The following GON4L variants were observed in gnomAD, a reference collection of about 807,000 sequenced individuals.
GON4L encodes GON-4-like protein.
In GON4L, 87 loss-of-function variants were observed where a neutral mutation model predicts 211.8. That is an observed-to-expected ratio of 0.41 (90% confidence interval 0.35 to 0.49). GON4L has a LOEUF of 0.49. Among genes scored for constraint, GON4L ranks in the 20% least tolerant of loss-of-function variants. The pLI is 0.15. For synonymous variants in GON4L, 875 were observed against 962.6 expected (o/e 0.91, Z 1.68); for missense variants, 2,155 against 2,659.5 (o/e 0.81, Z 4.17).
intron 2 of GON4L, among the ~76,000 whole-genome samples, chr1:155,841,595 C>G (rs1038706780): frequency 6.6e-6 from 1 of 152,164 alleles, no homozygotes; most frequent in African/African-American, 2.4e-5. Context: ...ATCTGGCCTA[C>G]AATGTTTAAT....
At chr1:155,792,903 T>G (rs1466965853) in intron 12 of GON4L, among the ~76,000 whole-genome samples, 3 of 152,092 alleles carry the variant, frequency 2.0e-5, no homozygotes, top group Admixed American at 2.0e-4. Context: ...ACTACGGGCA[T>G]GCACCACGAC....
At chr1:155,807,091 C>CAAAAAAAAAA (rs5777956) in intron 10 of GON4L, among the ~76,000 whole-genome samples, 2 of 119,480 alleles carry the variant, frequency 1.7e-5, no homozygotes, top group Non-Finnish European at 1.7e-5. Flanking sequence ...AGAGACATCT[C>CAAAAAAAAAA]AAAAAAAAAA....
At chr1:155,777,979 T>C (rs1217110385) in intron 14 of GON4L, among the ~76,000 whole-genome samples, 159 bp from the exon 15 acceptor site, 1 of 152,232 alleles carries the variant, frequency 6.6e-6, no homozygotes, top group African/African-American at 2.4e-5. Context: ...CTTTTACAAA[T>C]CTTTTGCCAA....
At chr1:155,836,351 C>T (rs570502715) in intron 2 of GON4L, among the ~76,000 whole-genome samples, 1 of 150,136 alleles carries the variant, frequency 6.7e-6, no homozygotes, top group Non-Finnish European at 1.5e-5. Flanking sequence ...CGGGTTCAAG[C>T]GATTCTCCTG....
intron 19 of GON4L, among the ~76,000 whole-genome samples, chr1:155,768,434 C>G (rs1253837589): frequency 6.6e-6 from 1 of 150,810 alleles, no homozygotes; most frequent in African/African-American, 2.4e-5. Flanking sequence ...CATGGTGAAA[C>G]CCCGTCTCTA....
intron 19 of GON4L, among the ~76,000 whole-genome samples, chr1:155,767,971 G>A (rs532638073): frequency 6.6e-6 from 1 of 152,164 alleles, no homozygotes; most frequent in South Asian, 2.1e-4. Flanking sequence ...AAAGGCATTA[G>A]AAGAGAAGGG....
rs1314063684 is a variant in GON4L, at chr1:155,853,356, G to A, written c.425C>T (p.Thr142Ile). ...KKMTLRPGPV[T>I]QEDRCDHLTL... is the part of the protein sequence containing the mutation. ...AAGATGATCACATCTGTCTTCTTGG[G>A]TAACTGGCCCAGGCCTGAGTGTCAT... The change falls in exon 2 of 32, where the codon ACC (threonine) becomes ATC (isoleucine). Residue 142 changes from threonine to isoleucine, a missense_variant. Thr to Ile is a moderately conservative substitution (Grantham distance 89). Coordinates refer to ENST00000368331, the MANE Select transcript of GON4L (RefSeq NM_001282860.2). 6.2e-7 allele frequency: 1 copy of A among 1,614,084 alleles called. No individual in the cohort carries two copies. Among genetic ancestry groups the A allele is most frequent in the South Asian group, 1.1e-5 (1 of 91,086 alleles).
intron 11 of GON4L, among the ~76,000 whole-genome samples, chr1:155,804,546 G>A (rs1013338929): frequency 6.6e-6 from 1 of 152,030 alleles, no homozygotes; most frequent in African/African-American, 2.4e-5. Flanking sequence ...GCATTCAGGA[G>A]GCCAAGGTAG....
chr1:155,825,731 T>C (rs1188020518), intron 3 of GON4L, among the ~76,000 whole-genome samples: 1 of 151,686 alleles, frequency 6.6e-6, no homozygotes, highest in East Asian at 1.9e-4. Context: ...GCTCCGTCTC[T>C]ACAAAAAAAA....
intron 11 of GON4L, among the ~76,000 whole-genome samples, chr1:155,799,648 C>A (rs1361918445): frequency 6.6e-6 from 1 of 152,140 alleles, no homozygotes; most frequent in African/African-American, 2.4e-5. Context: ...GCCCTGAAAT[C>A]TGTATCTTTA....
chr1:155,768,543 G>A (rs1048956922), intron 19 of GON4L, among the ~76,000 whole-genome samples: 7 of 150,496 alleles, frequency 4.7e-5, no homozygotes, highest in Non-Finnish European at 1.0e-4. Flanking sequence ...CCTGGGAGGC[G>A]GAGCTTGCAG....
At chr1:155,779,090 T>C (rs1664133717) in intron 14 of GON4L, among the ~76,000 whole-genome samples, 1 of 151,248 alleles carries the variant, frequency 6.6e-6, no homozygotes. Context: ...CCGTCTCTAC[T>C]GAAAATACAA....
At chr1:155,812,873 T>G (rs1667918633) in intron 10 of GON4L, among the ~76,000 whole-genome samples, 1 of 152,158 alleles carries the variant, frequency 6.6e-6, no homozygotes, top group African/African-American at 2.4e-5. Context: ...CTGATTTTGA[T>G]TAACACTATT....
intron 14 of GON4L, among the ~76,000 whole-genome samples, chr1:155,781,626 C>T (rs113925053): frequency 1.3e-5 from 2 of 151,726 alleles, no homozygotes; most frequent in African/African-American, 4.8e-5. Flanking sequence ...CCATGCCTGG[C>T]TAATTTTTTT....
intron 19 of GON4L, among the ~76,000 whole-genome samples, chr1:155,767,986 A>G (rs936170194): frequency 2.6e-5 from 4 of 151,438 alleles, no homozygotes; most frequent in African/African-American, 7.3e-5. Context: ...GAAGGGGGGA[A>G]AAAAAGAGCC....
In GON4L at chr1:155,781,626, C is replaced by A. The variant is rs113925053; in HGVS notation, c.1892+2360G>T. On this transcript the variant is annotated intron_variant, in intron 14 of 31. Transcript: ENST00000368331. ...TACAGGCGAGTGCTACCATGCCTGG[C>A]TAATTTTTTTATTTTTAGTAGAGAC... Among the ~76,000 whole-genome samples the A allele has an allele frequency of 6.6e-3, 1,004 of 151,838 alleles. 10 individuals carry two copies. The highest frequency in any genetic ancestry group is 0.023 in the African/African-American group (953 of 41,382).
At chr1:155,850,030 G>A (rs1270352622) in intron 2 of GON4L, among the ~76,000 whole-genome samples, 1 of 149,514 alleles carries the variant, frequency 6.7e-6, no homozygotes, top group African/African-American at 2.5e-5. Flanking sequence ...GGAAAGGCAT[G>A]GGGAGAATAA....
intron 23 of GON4L, among the ~76,000 whole-genome samples, chr1:155,761,186 T>TG (rs1042613161): frequency 2.0e-5 from 3 of 147,418 alleles, no homozygotes; most frequent in African/African-American, 7.6e-5. Flanking sequence ...TTTTTTTTTT[T>TG]TTTTTTTTTT....
intron 18 of GON4L, 56 bp downstream of exon 18, chr1:155,773,010 C>T: frequency 6.2e-7 from 1 of 1,604,754 alleles, no homozygotes; most frequent in South Asian, 1.1e-5. Context: ...CTCAAAGGAA[C>T]TACATCTTCT....
Sources: gnomAD v4.1 joint callset for allele counts (sites outside exome capture counted in the v4.1 genomes callset) on GRCh38, gnomAD v4.1.1 for gene constraint, MANE v1.5 for transcripts, NCBI Gene and HGNC (gene_info 2026-07-23, HGNC 2026-07-21) for gene names.